The following MEP1B variants were observed in gnomAD, a reference collection of about 807,000 sequenced individuals.
MEP1B encodes the protein N-benzoyl-L-tyrosyl-P-amino-benzoic acid hydrolase subunit beta.
In MEP1B, 80 loss-of-function variants were observed where a neutral mutation model predicts 84.6. The ratio of observed to expected loss-of-function variants is 0.95; its 90% CI spans 0.79 to 1.14. The LOEUF is 1.14. MEP1B is among the 50% of genes most tolerant of loss of function. The pLI is 0.00. For missense variants in MEP1B, 766 were observed against 855.1 expected, an observed-to-expected ratio of 0.90 and a Z score of 1.30; for synonymous variants, 273 against 288.1, an observed-to-expected ratio of 0.95 and a Z score of 0.53.
chr18:32,196,883 G>A lies in MEP1B; in HGVS notation c.250+1398G>A, dbSNP rs1340643133. 1 of 473,794 alleles carries A rather than the reference G, an allele frequency of 2.1e-6. No individual in the cohort carries two copies. The highest frequency in any genetic ancestry group is 4.0e-6 in the Non-Finnish European group (1 of 252,258). The allele number at this position is 473,794 out of a possible 1,614,324, so 29.3% of individuals were successfully genotyped here. A position where few individuals can be genotyped will look rare whatever the true frequency, so the allele number is the denominator to read the frequency against. ...CCATGATGTAGTGGAGGCGGGCAAG[G>A]AGGCGCAGGCAGGCTCAGATCTCCA... On this transcript the variant is annotated intron_variant, in intron 5 of 14. Transcript: ENST00000269202. The surrounding 1 kb of genome is among the most constrained non-coding windows in gnomAD (Gnocchi z 4.4).
At chr18:32,202,231 G>A (rs1461288724) in intron 5 of MEP1B, among the ~76,000 whole-genome samples, 1 of 152,106 alleles carries the variant, frequency 6.6e-6, no homozygotes, top group Non-Finnish European at 1.5e-5. Flanking sequence ...CTCTCCATGT[G>A]CATCTGATAC....
rs9959396 is a variant in MEP1B, at chr18:32,210,557, G to A, written c.976G>A (p.Val326Met). ...CTCTGTAAATGTGGGGGCCACAGCA[G>A]TGCTGGAAAGTAGAACGCTGTACCC... ...SSSVNVGATA[V>M]LESRTLYPKR... Residue 326 changes from valine to methionine, a missense_variant, in exon 10 of 15, where the codon GTG becomes ATG. Coordinates refer to ENST00000269202, the MANE Select transcript of MEP1B (RefSeq NM_005925.3). The A allele has an allele frequency of 5.8e-3, 9,305 of 1,613,972 alleles. 381 individuals carry two copies. In the African/African-American group the frequency reaches 0.098, roughly 17 times the overall value.
intron 5 of MEP1B, among the ~76,000 whole-genome samples, chr18:32,199,249 T>C (rs1474899027): frequency 2.0e-5 from 3 of 152,224 alleles, no homozygotes; most frequent in Non-Finnish European, 4.4e-5. Context: ...GCCGTGAGTA[T>C]GGATGAGCAT....
chr18:32,195,312 G>A (rs1229227545), intron 4 of MEP1B, 95 bp from the exon 5 acceptor site: 5 of 742,052 alleles, frequency 6.7e-6, no homozygotes, highest in Non-Finnish European at 1.2e-5. Flanking sequence ...CGAACTGGGA[G>A]AGCTTTAAAC....
At chr18:32,192,856 C>T (rs1260140361) in intron 4 of MEP1B, 39 bp downstream of exon 4, 1 of 1,494,244 alleles carries the variant, frequency 6.7e-7, no homozygotes, top group Admixed American at 1.7e-5. Flanking sequence ...TTCCATTAAC[C>T]ACTGCAAGCC....
Position 32,215,969 on chromosome 18 carries a change from CATATATATAT to C in MEP1B, c.1759+749_1759+758del, listed in dbSNP as rs10522884. On this transcript the variant is annotated intron_variant, in intron 12 of 14. Transcript: ENST00000269202. ...ATGTACATACATGCATACATATATG[CATATATATAT>C]ATATATATATATATATATATATATA... is the stretch of plus-strand genomic sequence containing the variant. Among the ~76,000 whole-genome samples, 858 of 134,632 alleles carry C rather than the reference CATATATATAT, an allele frequency of 6.4e-3. 4 individuals carry two copies. Among genetic ancestry groups the C allele is most frequent in the East Asian group, 0.017 (83 of 4,814 alleles). The allele number at this position is 134,632 out of a possible 152,430, so 88.3% of individuals were successfully genotyped here.
chr18:32,217,662 G>C, intron 13 of MEP1B, 99 bp from the exon 14 acceptor site: 1 of 966,044 alleles, frequency 1.0e-6, no homozygotes, highest in South Asian at 1.4e-5. Context: ...ATGACCTATT[G>C]GTGATCAAAT....
chr18:32,202,965 C>T lies in MEP1B; in HGVS notation c.323C>T (p.Pro108Leu), dbSNP rs1266031053. 1.2e-6 allele frequency: 2 copies of T among 1,612,464 alleles called. No individual in the cohort carries two copies. The highest frequency in any genetic ancestry group is 1.7e-5 in the Admixed American group (1 of 59,868). The change falls in exon 6 of 15, where the codon CCT (proline) becomes CTT (leucine). Residue 108 changes from proline to leucine, a missense_variant. Transcript: ENST00000269202. ...CTTAAAACATGTATTGACTTTAAGC[C>T]TTGGGCTGGAGAAACAAACTATATA... ...YRLKTCIDFK[P>L]WAGETNYISV... is the part of the protein sequence containing the mutation.
intron 5 of MEP1B, among the ~76,000 whole-genome samples, chr18:32,197,570 C>A (rs1166838799): frequency 6.6e-6 from 1 of 151,928 alleles, no homozygotes; most frequent in African/African-American, 2.4e-5. Flanking sequence ...TAGGCATGTG[C>A]TAGCACACCT....
chr18:32,209,273 G>A lies in MEP1B; in HGVS notation c.919+1002G>A, dbSNP rs370989832. Reference sequence around the variant, plus strand: ...AGGCCAAGGTGGGCGGATTACCTGAGGTTGGGAGTTTGAGACCAGCTGGGC... The same window carrying A: ...AGGCCAAGGTGGGCGGATTACCTGAAGTTGGGAGTTTGAGACCAGCTGGGC... On this transcript the variant is annotated intron_variant, in intron 9 of 14. Transcript: ENST00000269202. Among the ~76,000 whole-genome samples, 14 of 152,294 alleles carry A rather than the reference G, an allele frequency of 9.2e-5. No individual in the cohort carries two copies. In the East Asian group the frequency reaches 2.3e-3, roughly 25 times the overall value.
chr18:32,207,423 A>G lies in MEP1B; in HGVS notation c.719A>G (p.Asp240Gly). ...DFEDVIGQRM[D>G]FSDSDLLKLN... ...GAGGATGTGATCGGCCAACGAATGG[A>G]TTTCAGTGACTCTGATCTCCTAAAG... is the stretch of plus-strand genomic sequence containing the variant. The change falls in exon 8 of 15, where the codon GAT (aspartate) becomes GGT (glycine). Residue 240 changes from aspartate to glycine, a missense_variant. Physicochemically the swap from Asp to Gly is moderately conservative, Grantham distance 94. Coordinates refer to ENST00000269202, the MANE Select transcript of MEP1B (RefSeq NM_005925.3). 1 of 1,613,170 alleles carries G rather than the reference A, an allele frequency of 6.2e-7. No homozygotes were observed. Among genetic ancestry groups the G allele is most frequent in the Non-Finnish European group, 8.5e-7 (1 of 1,179,554 alleles).
At position 32,220,215 on chromosome 18, in the gene MEP1B, T is replaced by C. The variant is rs1188386849; in HGVS notation, c.2092-16T>C. ...AATTTAGAAATTAAATCATCAATTG[T>C]TCTTTCCCCTTTTAGCAGCATGCTT... On this transcript the variant is annotated splice_polypyrimidine_tract_variant and intron_variant, in intron 14 of 14. Coordinates refer to ENST00000269202, the MANE Select transcript of MEP1B (RefSeq NM_005925.3). The C allele has an allele frequency of 1.2e-6, 2 of 1,601,510 alleles. No individual in the cohort carries two copies. Among genetic ancestry groups the C allele is most frequent in the East Asian group, 2.2e-5 (1 of 44,720 alleles).
At chr18:32,213,929 C>T (rs1406921615) in intron 11 of MEP1B, among the ~76,000 whole-genome samples, 1 of 152,158 alleles carries the variant, frequency 6.6e-6, no homozygotes. Context: ...GCCCCAGTGT[C>T]CTCAGCTGTA....
rs1488055273 is a variant in MEP1B at position 32,213,439 on chromosome 18, C to T, written c.1459C>T (p.Gln487Ter). 6.2e-7 allele frequency: 1 copy of T among 1,613,640 alleles called. No individual in the cohort carries two copies. The highest frequency in any genetic ancestry group is 1.3e-5 in the African/African-American group (1 of 74,906). ...CTTGATCTCTGGAGCCAATGATGAT[C>T]AATTACAGTGGCCATGTCCTTGGCA... ...FHLISGANDD[Q>*]LQWPCPWQQA... Residue 487 changes from glutamine to a stop codon, truncating the protein, a stop_gained, in exon 11 of 15, where the codon CAA (glutamine) becomes TAA (stop). Coordinates refer to ENST00000269202, the MANE Select transcript of MEP1B (RefSeq NM_005925.3). LOFTEE classifies it high-confidence loss of function.
chr18:32,205,561 G>C (rs1568268680), intron 7 of MEP1B, among the ~76,000 whole-genome samples: 1 of 152,176 alleles, frequency 6.6e-6, no homozygotes, highest in Non-Finnish European at 1.5e-5. Flanking sequence ...GCAGTGTTTA[G>C]CTTTAATCCA....
At chr18:32,218,212 G>C (rs2144439727) in intron 14 of MEP1B, among the ~76,000 whole-genome samples, 1 of 152,230 alleles carries the variant, frequency 6.6e-6, no homozygotes, top group South Asian at 2.1e-4. Flanking sequence ...TTGTGTGTGT[G>C]GGTTTTTTTC....
rs2041044836 is a variant in MEP1B, at chr18:32,213,118, A to G, written c.1138A>G (p.Ile380Val). 6.2e-7 allele frequency: 1 copy of G among 1,612,302 alleles called. No individual in the cohort carries two copies. Among genetic ancestry groups the G allele is most frequent in the Non-Finnish European group, 8.5e-7 (1 of 1,178,530 alleles). ...AAATAATAATGACTCTTTTGCAGAAATACCCACTGGGAGCTGGCAACTTTA... is the reference window on the plus strand; with the variant it reads ...AAATAATAATGACTCTTTTGCAGAAGTACCCACTGGGAGCTGGCAACTTTA... ...NLTLVEEIKE[I>V]PTGSWQLYHV... The change falls in exon 11 of 15, where the codon ATA (isoleucine) becomes GTA (valine). Residue 380 changes from isoleucine to valine, a missense_variant and splice_region_variant. Ile to Val is a conservative substitution (Grantham distance 29, BLOSUM62 3). Transcript: ENST00000269202.
rs933010009 is a variant in MEP1B at position 32,196,540 on chromosome 18, C to T, written c.250+1055C>T. 20 of 700,042 alleles carry T rather than the reference C, an allele frequency of 2.9e-5. No homozygotes were observed. In the East Asian group the frequency reaches 5.3e-4, roughly 19 times the overall value. 43.4% of individuals were successfully genotyped at this position (700,042 alleles called of 1,614,324 possible). On this transcript the variant is annotated intron_variant, in intron 5 of 14. Coordinates refer to ENST00000269202, the MANE Select transcript of MEP1B (RefSeq NM_005925.3). The surrounding 1 kb of genome is among the most constrained non-coding windows in gnomAD (Gnocchi z 4.4). Reference sequence around the variant, plus strand: ...TGGTGGCCAAGGGCCACCTTGAGAGCTTTGGGCCCTTGGTACTTGGTGCTG... The same window carrying T: ...TGGTGGCCAAGGGCCACCTTGAGAGTTTTGGGCCCTTGGTACTTGGTGCTG...
chr18:32,210,654 A>C lies in MEP1B; in HGVS notation c.1073A>C (p.Tyr358Ser), dbSNP rs755962966. Residue 358 changes from tyrosine (Y) to serine (S), a missense_variant, in exon 10 of 15, where the codon TAT (tyrosine) becomes TCT (serine). Transcript: ENST00000269202. ...SGSESDQLNI[Y>S]IREYSADNVD... The stretch of plus-strand genomic sequence containing the variant: ...AGTGAAAGTGATCAACTGAACATCT[A>C]TATCAGGGAGTATTCTGCAGACAAT... 55 of 1,614,018 alleles carry C rather than the reference A, an allele frequency of 3.4e-5. No individual in the cohort carries two copies. The highest frequency in any genetic ancestry group is 4.2e-5 in the Non-Finnish European group (50 of 1,179,876).
Sources: allele counts gnomAD v4.1 joint callset (sites outside exome capture counted in the v4.1 genomes callset), GRCh38; gene constraint gnomAD v4.1.1; non-coding constraint Gnocchi (gnomAD v3.1); transcripts MANE v1.5; gene names NCBI Gene and HGNC (gene_info 2026-07-23, HGNC 2026-07-21).